CDK14: variants seen among roughly 807,000 people sequenced by gnomAD.
The protein encoded by CDK14 is cyclin-dependent kinase 14.
CDK14 carries 34 observed loss-of-function variants against 60.7 expected under a neutral mutation model. The ratio of observed to expected loss-of-function variants is 0.56; its 90% confidence interval spans 0.43 to 0.75. The LOEUF (loss-of-function observed/expected upper bound fraction) is 0.75. Among genes scored for constraint, CDK14 ranks in the 30% least tolerant of loss-of-function variants. CDK14 has a pLI of 0.00. For missense variants in CDK14, 482 were observed against 564.1 expected (o/e 0.85, Z 1.47); for synonymous variants, 197 against 203.7 (o/e 0.97, Z 0.28).
intron 3 of CDK14, among the ~76,000 whole-genome samples, chr7:90,731,132 T>C (rs1442046820): frequency 1.4e-5 from 2 of 147,654 alleles, no homozygotes; most frequent in Non-Finnish European, 3.0e-5. Context: ...TTGCTTTGTT[T>C]TTGTCAGGTT....
intron 5 of CDK14, among the ~76,000 whole-genome samples, chr7:90,833,319 G>A (rs1301466444): frequency 6.6e-6 from 1 of 152,146 alleles, no homozygotes. Flanking sequence ...GTATCTGCAT[G>A]TCAGAATCCC....
intron 10 of CDK14, among the ~76,000 whole-genome samples, chr7:90,998,040 T>A (rs1379517776): frequency 1.3e-5 from 2 of 152,232 alleles, no homozygotes; most frequent in East Asian, 3.8e-4. Flanking sequence ...CCAAAAATCT[T>A]TTTTAGGCAT....
intron 4 of CDK14, among the ~76,000 whole-genome samples, chr7:90,777,916 C>T (rs1485637402): frequency 1.3e-5 from 2 of 152,186 alleles, no homozygotes; most frequent in Non-Finnish European, 2.9e-5. Flanking sequence ...TTAATGTGTG[C>T]CCCACACTGT....
At chr7:91,010,811 T>G (rs1470720038) in intron 10 of CDK14, among the ~76,000 whole-genome samples, 1 of 100,614 alleles carries the variant, frequency 9.9e-6, no homozygotes, top group African/African-American at 4.1e-5. Context: ...TTTCCTTCCT[T>G]CCTTCCTTCC....
intron 12 of CDK14, among the ~76,000 whole-genome samples, chr7:91,111,868 A>G (rs1227688267): frequency 6.6e-6 from 1 of 152,200 alleles, no homozygotes; most frequent in East Asian, 1.9e-4. Context: ...ACCCATTTGA[A>G]AGCTTATACC....
rs1802983524 is a variant in CDK14, at chr7:91,209,011, AT to A, written c.*1878del. 1 of 152,650 alleles carries A rather than the reference AT, an allele frequency of 6.6e-6. No individual in the cohort carries two copies. The highest frequency in any genetic ancestry group is 2.4e-5 in the African/African-American group (1 of 41,452). The allele number at this position is 152,650 out of a possible 1,614,324, so 9.5% of individuals were successfully genotyped here. ...TGATTTAAAGTATACTTAAATTAGG[AT>A]TTCTTAAAGAAAACATAGGGAGAAA... On this transcript the variant is annotated 3_prime_UTR_variant, in exon 15 of 15. Transcript: ENST00000380050.
chr7:90,719,025 T>C (rs767882755), intron 2 of CDK14, among the ~76,000 whole-genome samples: 3 of 152,186 alleles, frequency 2.0e-5, no homozygotes, highest in Admixed American at 2.0e-4. Flanking sequence ...CAAAAACTTA[T>C]AAATGACTGA....
chr7:91,034,794 T>A (rs971372639), intron 10 of CDK14, among the ~76,000 whole-genome samples: 1 of 152,190 alleles, frequency 6.6e-6, no homozygotes, highest in African/African-American at 2.4e-5. Context: ...ACATCAAGCC[T>A]GTATGTTACT....
Position 91,023,374 on chromosome 7 carries a change from A to G in CDK14, c.1042-22523A>G, listed in dbSNP as rs577855300. On this transcript the variant is annotated intron_variant, in intron 10 of 14. Transcript: ENST00000380050. ...ATTTTCATGTCTTCTATGATATGTT[A>G]TCACTCGGAAGATTTTTCAAAGAGA... Among the ~76,000 whole-genome samples, 5 of 152,308 alleles carry G rather than the reference A, an allele frequency of 3.3e-5. No homozygotes were observed. The South Asian group carries it at 1.0e-3, about 32-fold the overall frequency.
At chr7:90,724,708 C>T (rs1478246925) in intron 2 of CDK14, among the ~76,000 whole-genome samples, 4 of 151,910 alleles carry the variant, frequency 2.6e-5, no homozygotes, top group Non-Finnish European at 5.9e-5. Flanking sequence ...TTTCTGTCAT[C>T]CTTATCTTTT....
At chr7:90,913,843 A>G (rs185247668) in intron 7 of CDK14, among the ~76,000 whole-genome samples, 6 of 152,250 alleles carry the variant, frequency 3.9e-5, no homozygotes, top group African/African-American at 1.4e-4. Flanking sequence ...TCAGAGAACA[A>G]CTTCATCCTG....
intron 3 of CDK14, among the ~76,000 whole-genome samples, chr7:90,745,024 T>C (rs1031463911): frequency 6.6e-6 from 1 of 152,214 alleles, no homozygotes; most frequent in Non-Finnish European, 1.5e-5. Context: ...CATTCCCCTC[T>C]CCCCAATTTG....
At chr7:90,739,130 T>G (rs1417871736) in intron 3 of CDK14, among the ~76,000 whole-genome samples, 1 of 152,210 alleles carries the variant, frequency 6.6e-6, no homozygotes, top group Admixed American at 6.5e-5. Context: ...TAGAGAGAAT[T>G]ACATGCCTTT....
chr7:90,721,986 G>C (rs567441295), intron 2 of CDK14, among the ~76,000 whole-genome samples: 96 of 152,202 alleles, frequency 6.3e-4, no homozygotes, highest in African/African-American at 2.3e-3. Flanking sequence ...AGTAGCGCCA[G>C]TGTATACTGC....
At chr7:90,980,645 A>G (rs1379138098) in intron 9 of CDK14, among the ~76,000 whole-genome samples, 2 of 152,160 alleles carry the variant, frequency 1.3e-5, no homozygotes, top group Non-Finnish European at 2.9e-5. Context: ...ATTTTCTTGT[A>G]CATTTTATCT....
intron 2 of CDK14, among the ~76,000 whole-genome samples, chr7:90,639,986 G>A (rs780984439): frequency 9.9e-5 from 15 of 152,194 alleles, no homozygotes; most frequent in Middle Eastern, 3.4e-3. Context: ...CGCAGTATTC[G>A]GGTGGGAGAG....
rs1474934388 is a variant in CDK14, at chr7:90,935,523, TA to T, written c.826+17801del. Among the ~76,000 whole-genome samples, 18 of 152,338 alleles carry T rather than the reference TA, an allele frequency of 1.2e-4. 1 individual carries two copies. The South Asian group carries it at 1.7e-3, about 14-fold the overall frequency. On this transcript the variant is annotated intron_variant, in intron 8 of 14. Coordinates refer to ENST00000380050, the MANE Select transcript of CDK14 (RefSeq NM_001287135.2). The stretch of plus-strand genomic sequence containing the variant: ...TGTTAAGACATTGGGAATAAGATAT[TA>T]ACAAAGAGAACTCTTGAAACATTTG...
At chr7:90,973,708 C>T (rs1456589137) in intron 9 of CDK14, among the ~76,000 whole-genome samples, 6 of 134,484 alleles carry the variant, frequency 4.5e-5, no homozygotes, top group South Asian at 4.9e-4. Flanking sequence ...ATGGCGACCT[C>T]GAGCCGCAAA....
chr7:90,970,530 T>C (rs1443806930), intron 9 of CDK14, among the ~76,000 whole-genome samples: 1 of 152,244 alleles, frequency 6.6e-6, no homozygotes, highest in African/African-American at 2.4e-5. Flanking sequence ...AGAGGCAGCA[T>C]AGCATAACAA....
Sources: gnomAD v4.1 joint callset for allele counts (sites outside exome capture counted in the v4.1 genomes callset) on GRCh38, gnomAD v4.1.1 for gene constraint, MANE v1.5 for transcripts, NCBI Gene and HGNC (gene_info 2026-07-23, HGNC 2026-07-21) for gene names.